ZFX: variants seen among roughly 807,000 people sequenced by gnomAD.
The protein encoded by ZFX is zinc finger protein X-linked, also known as zinc finger X-chromosomal protein.
For synonymous variants in ZFX, 196 were observed against 226.8 expected, an observed-to-expected ratio of 0.86 and a Z score of 1.22; for missense variants, 362 against 628.3, an observed-to-expected ratio of 0.58 and a Z score of 4.53.
At chrX:24,173,556 T>C (rs1435176510) in intron 4 of ZFX, 17 of 1,131,913 alleles carry the variant, frequency 1.5e-5, no homozygotes, top group Non-Finnish European at 1.9e-5. Flanking sequence ...GTTATAATTA[T>C]ATAACGTTGT....
At chrX:24,193,799 T>C (rs996651973) in intron 5 of ZFX, among the ~76,000 whole-genome samples, 1 of 112,065 alleles carries the variant, frequency 8.9e-6, no homozygotes, top group Non-Finnish European at 1.9e-5. Context: ...AAATTATTGT[T>C]TTTTAATTAT....
At chrX:24,183,655 G>C (rs1935863310) in intron 5 of ZFX, among the ~76,000 whole-genome samples, 1 of 111,074 alleles carries the variant, frequency 9.0e-6, no homozygotes, top group South Asian at 3.8e-4. Flanking sequence ...TTTATTTCAG[G>C]CACAAAATTG....
chrX:24,183,852 T>A (rs1339784553), intron 5 of ZFX, among the ~76,000 whole-genome samples: 1 of 106,260 alleles, frequency 9.4e-6, no homozygotes, highest in Non-Finnish European at 1.9e-5. Flanking sequence ...CCCCCTGGGT[T>A]CAAGTGATTC....
At chrX:24,203,429 T>C (rs1270037951) in intron 5 of ZFX, among the ~76,000 whole-genome samples, 1 of 112,364 alleles carries the variant, frequency 8.9e-6, no homozygotes, top group Non-Finnish European at 1.9e-5. Flanking sequence ...TTCTCCAGCC[T>C]CTCATCAGAG....
At chrX:24,193,634 A>G (rs1007835641) in intron 5 of ZFX, among the ~76,000 whole-genome samples, 1 of 112,017 alleles carries the variant, frequency 8.9e-6, no homozygotes, top group African/African-American at 3.2e-5. Context: ...AGCCTTTATT[A>G]TTAGCTTTTC....
chrX:24,153,916 A>G (rs1362250407), intron 3 of ZFX, among the ~76,000 whole-genome samples: 1 of 110,651 alleles, frequency 9.0e-6, no homozygotes, highest in Non-Finnish European at 1.9e-5. Context: ...GTGTTTTTTG[A>G]CTCAGGGACA....
intron 2 of ZFX, among the ~76,000 whole-genome samples, chrX:24,152,422 C>T (rs186328556): frequency 5.2e-4 from 58 of 111,561 alleles, no homozygotes; most frequent in African/African-American, 1.8e-3. Context: ...CATGAACCAC[C>T]GTGCCCTGCC....
In ZFX at chrX:24,207,562, G is replaced by A. The variant is rs887977254; in HGVS notation, c.796+87G>A. 1.1e-5 allele frequency: 13 copies of A among 1,138,059 alleles called. No individual in the cohort carries two copies. In the Admixed American group the frequency reaches 3.2e-4, roughly 28 times the overall value. The allele number at this position is 1,138,059 out of a possible 1,213,427, so 93.8% of individuals were successfully genotyped here. A position where few individuals can be genotyped will look rare whatever the true frequency, so the allele number is the denominator to read the frequency against. Reference sequence around the variant, plus strand: ...GGGTTATTTAGATTGAGAACATTTGGAGTCTCTTCTGAAGTAACTTTTATG... The same window carrying A: ...GGGTTATTTAGATTGAGAACATTTGAAGTCTCTTCTGAAGTAACTTTTATG... On this transcript the variant is annotated intron_variant, in intron 6 of 9. Transcript: ENST00000304543.
At chrX:24,173,592 T>A (rs1934841197) in intron 4 of ZFX, 1 of 1,139,822 alleles carries the variant, frequency 8.8e-7, no homozygotes, top group East Asian at 3.3e-5. Flanking sequence ...GCGTTTTGGG[T>A]TTTTTTGTTT....
At position 24,173,458 on chromosome X, in the gene ZFX, A is replaced by G. The variant is rs993674999; in HGVS notation, c.58+658A>G. 1.7e-5 allele frequency: 14 copies of G among 830,284 alleles called. 1 individual carries two copies. The South Asian group carries it at 2.2e-4, about 13-fold the overall frequency. The allele number at this position is 830,284 out of a possible 1,213,427, so 68.4% of individuals were successfully genotyped here. On this transcript the variant is annotated intron_variant, in intron 4 of 9. Coordinates refer to ENST00000304543, the MANE Select transcript of ZFX (RefSeq NM_003410.4). ...CAGGAAGATGGAGTCTTCACTCCCC[A>G]TAGTGTACAAGGAAAAATTATACTC...
At chrX:24,167,743 TAAAGC>T (rs1263898540) in intron 3 of ZFX, among the ~76,000 whole-genome samples, 1 of 112,110 alleles carries the variant, frequency 8.9e-6, no homozygotes, top group Non-Finnish European at 1.9e-5. Flanking sequence ...AGAGAAAAGT[TAAAGC>T]AATATAGAAG....
rs1022771175 is a variant in ZFX at position 24,211,451 on chromosome X, T to A, written c.*75T>A. The stretch of plus-strand genomic sequence containing the variant: ...TTCATTTTAAAGCCAATCAGTCTCA[T>A]TCACATACAATACTGTATATTGATT... On this transcript the variant is annotated 3_prime_UTR_variant, in exon 10 of 10. Coordinates refer to ENST00000304543, the MANE Select transcript of ZFX (RefSeq NM_003410.4). 1.9e-6 allele frequency: 2 copies of A among 1,054,243 alleles called. No individual in the cohort carries two copies. The highest frequency in any genetic ancestry group is 3.7e-5 in the African/African-American group (2 of 53,393). The allele number at this position is 1,054,243 out of a possible 1,213,427, so 86.9% of individuals were successfully genotyped here. A position where few individuals can be genotyped will look rare whatever the true frequency, so the allele number is the denominator to read the frequency against.
chrX:24,168,974 T>C, intron 3 of ZFX, among the ~76,000 whole-genome samples: 1 of 111,202 alleles, frequency 9.0e-6, no homozygotes, highest in South Asian at 3.8e-4. Flanking sequence ...CACCGCCAGT[T>C]ACATTATCAC....
intron 8 of ZFX, among the ~76,000 whole-genome samples, 160 bp from the exon 9 acceptor site, chrX:24,208,740 C>T (rs1384172815): frequency 1.8e-5 from 2 of 110,853 alleles, no homozygotes; most frequent in African/African-American, 3.3e-5. Context: ...TACGGTCTCG[C>T]GATAATAAAT....
At chrX:24,170,458 A>G (rs1393505482) in intron 3 of ZFX, among the ~76,000 whole-genome samples, 4 of 110,460 alleles carry the variant, frequency 3.6e-5, no homozygotes, top group Non-Finnish European at 7.6e-5. Flanking sequence ...CGTCCAGCCA[A>G]TGCTTAGAAG....
chrX:24,172,649 A>T, intron 3 of ZFX, 66 bp from the exon 4 acceptor site: 4 of 804,967 alleles, frequency 5.0e-6, no homozygotes, highest in Non-Finnish European at 5.1e-6. Context: ...TGAAACTATC[A>T]TGATGGCATT....
intron 4 of ZFX, among the ~76,000 whole-genome samples, chrX:24,174,293 C>A (rs1459110076): frequency 9.0e-6 from 1 of 111,016 alleles, no homozygotes; most frequent in Non-Finnish European, 1.9e-5. Context: ...AAATAAAATG[C>A]TAATAAGTTT....
chrX:24,163,076 C>T (rs1367362968), intron 3 of ZFX, among the ~76,000 whole-genome samples: 4 of 109,473 alleles, frequency 3.7e-5, no homozygotes, highest in Non-Finnish European at 7.6e-5. Context: ...CAAAAGTTTG[C>T]TTTAAATCAA....
chrX:24,203,362 C>A (rs1318253780), intron 5 of ZFX, among the ~76,000 whole-genome samples: 1 of 112,131 alleles, frequency 8.9e-6, no homozygotes, highest in Middle Eastern at 4.2e-3. Flanking sequence ...CCAGCAAAAA[C>A]GGGCACCTGA....
Sources: allele counts gnomAD v4.1 joint callset (sites outside exome capture counted in the v4.1 genomes callset), GRCh38; gene constraint gnomAD v4.1.1; transcripts MANE v1.5; gene names NCBI Gene and HGNC (gene_info 2026-07-23, HGNC 2026-07-21).